Variants in MAGI1 observed in about 807,000 individuals in gnomAD.
MAGI1 encodes the protein membrane-associated guanylate kinase, WW and PDZ domain-containing protein 1.
MAGI1 carries 58 observed loss-of-function variants against 139.9 expected under a neutral mutation model. The observed-to-expected ratio is 0.41, with a 90% CI of 0.34 to 0.52. MAGI1 has a LOEUF of 0.52. MAGI1 is among the 20% of genes least tolerant of loss of function. The pLI is 0.12. For missense variants in MAGI1, 1,874 were observed against 1,901.6 expected (o/e 0.99, Z 0.27); for synonymous variants, 812 against 737.9 (o/e 1.10, Z -1.63).
intron 1 of MAGI1, among the ~76,000 whole-genome samples, chr3:65,998,024 AC>A (rs2066545772): frequency 6.8e-6 from 1 of 147,900 alleles, no homozygotes; most frequent in African/African-American, 2.5e-5. Context: ...AAACGCTTGA[AC>A]CCGGGAGGCA....
chr3:65,794,057 A>G (rs1472102621), intron 1 of MAGI1, among the ~76,000 whole-genome samples: 3 of 152,292 alleles, frequency 2.0e-5, no homozygotes, highest in Middle Eastern at 6.8e-3. Context: ...CGCTACCACA[A>G]TACAGAACAC....
intron 2 of MAGI1, among the ~76,000 whole-genome samples, chr3:65,593,403 G>A (rs1485829887): frequency 6.8e-6 from 1 of 147,700 alleles, no homozygotes; most frequent in African/African-American, 2.4e-5. Context: ...GTGAAGGATG[G>A]GGGGGAAAGG....
chr3:65,824,307 T>C (rs1282334487), intron 1 of MAGI1, among the ~76,000 whole-genome samples: 2 of 152,128 alleles, frequency 1.3e-5, no homozygotes, highest in Non-Finnish European at 2.9e-5. Flanking sequence ...GATGTGCAAA[T>C]AGTAGGGCTT....
At chr3:65,799,551 T>A (rs929075692) in intron 1 of MAGI1, among the ~76,000 whole-genome samples, 1 of 152,316 alleles carries the variant, frequency 6.6e-6, no homozygotes, top group Non-Finnish European at 1.5e-5. Flanking sequence ...TTACTGTGCC[T>A]AGTTTATAAA....
At chr3:65,757,179 CTT>C (rs2036630162) in intron 1 of MAGI1, among the ~76,000 whole-genome samples, 1 of 152,252 alleles carries the variant, frequency 6.6e-6, no homozygotes, top group South Asian at 2.1e-4. Context: ...TATGTTAACT[CTT>C]TTAATTTTCA....
chr3:65,478,847 G>T (rs1179413877), intron 3 of MAGI1, 49 bp from the exon 4 acceptor site: 60 of 1,343,384 alleles, frequency 4.5e-5, no homozygotes, highest in Admixed American at 1.9e-4. Context: ...AATACTTTGT[G>T]TTTTTTTTTA....
chr3:65,531,434 A>G (rs1404761898), intron 2 of MAGI1, among the ~76,000 whole-genome samples: 1 of 152,192 alleles, frequency 6.6e-6, no homozygotes, highest in Non-Finnish European at 1.5e-5. Context: ...GCAACTTTAT[A>G]TGAGTCAAAC....
chr3:65,723,617 C>T (rs2033291012), intron 1 of MAGI1, among the ~76,000 whole-genome samples: 1 of 152,184 alleles, frequency 6.6e-6, no homozygotes, highest in Admixed American at 6.5e-5. Context: ...ATATGTGTAA[C>T]ATATCTAGCA....
Position 65,530,729 on chromosome 3 carries a change from G to GTA in MAGI1, c.431-37100_431-37099dup, listed in dbSNP as rs1387283214. ...TATACACGTGTATATATATACACAC[G>GTA]TATATATATATGCACATATATATAC... On this transcript the variant is annotated intron_variant, in intron 2 of 22. Transcript: ENST00000402939. Among the ~76,000 whole-genome samples, 290 of 95,598 alleles carry GTA rather than the reference G, an allele frequency of 3.0e-3. 17 individuals carry two copies. The highest frequency in any genetic ancestry group is 0.012 in the African/African-American group (258 of 20,972). The allele number at this position is 95,598 out of a possible 152,430, so 62.7% of individuals were successfully genotyped here.
At chr3:66,020,064 TG>T (rs2067878668) in intron 1 of MAGI1, among the ~76,000 whole-genome samples, 1 of 152,216 alleles carries the variant, frequency 6.6e-6, no homozygotes, top group Non-Finnish European at 1.5e-5. Context: ...ACACAGTACA[TG>T]ACGTTCCTCT....
intron 2 of MAGI1, among the ~76,000 whole-genome samples, chr3:65,516,328 T>G (rs1185299375): frequency 1.3e-5 from 2 of 151,762 alleles, no homozygotes; most frequent in Non-Finnish European, 2.9e-5. Flanking sequence ...TACAGGCATG[T>G]GCCACCCCAC....
Position 65,696,699 on chromosome 3 carries a change from C to T in MAGI1, c.314-74611G>A, listed in dbSNP as rs184731539. Among the ~76,000 whole-genome samples the T allele has an allele frequency of 1.8e-3, 274 of 151,926 alleles. 2 individuals carry two copies. The highest frequency in any genetic ancestry group is 6.3e-3 in the Admixed American group (96 of 15,270). On this transcript the variant is annotated intron_variant, in intron 1 of 22. Transcript: ENST00000402939. Reference sequence around the variant, plus strand: ...ATACAATAAAATAAAATAAAATATACATTTGGATTCTCAACAAAAATTAAT... The same window carrying T: ...ATACAATAAAATAAAATAAAATATATATTTGGATTCTCAACAAAAATTAAT...
chr3:66,004,858 A>G (rs2066930460), intron 1 of MAGI1, among the ~76,000 whole-genome samples: 1 of 152,202 alleles, frequency 6.6e-6, no homozygotes, highest in South Asian at 2.1e-4. Flanking sequence ...ATGGGGTTTT[A>G]GCCACAGAAG....
chr3:65,401,675 C>G, intron 12 of MAGI1: 1 of 1,544,606 alleles, frequency 6.5e-7, no homozygotes, highest in South Asian at 1.2e-5. Flanking sequence ...GGCAGGAGAT[C>G]TATCTGCATT....
intron 1 of MAGI1, among the ~76,000 whole-genome samples, chr3:66,033,184 C>A (rs796065738): frequency 6.6e-6 from 1 of 151,982 alleles, no homozygotes; most frequent in Non-Finnish European, 1.5e-5. Context: ...TTCGCCACCA[C>A]GCCCAGCTAG....
At position 65,862,093 on chromosome 3, in the gene MAGI1, G is replaced by C. The variant is rs562336274; in HGVS notation, c.313+175903C>G. Reference sequence around the variant, plus strand: ...ATGAGGCTCTGTCCACCTCATGTAAGACATGGTTCTTTTGTTTACCTTCTC... The same window carrying C: ...ATGAGGCTCTGTCCACCTCATGTAACACATGGTTCTTTTGTTTACCTTCTC... On this transcript the variant is annotated intron_variant, in intron 1 of 22. Transcript: ENST00000402939. Among the ~76,000 whole-genome samples, 10 of 152,244 alleles carry C rather than the reference G, an allele frequency of 6.6e-5. No individual in the cohort carries two copies. The South Asian group carries it at 1.7e-3, about 25-fold the overall frequency.
chr3:65,359,126 A>G, intron 22 of MAGI1: 1 of 1,614,098 alleles, frequency 6.2e-7, no homozygotes, highest in Non-Finnish European at 8.5e-7. Context: ...TTTCTCATAC[A>G]TGCAGCGATA....
At chr3:65,413,289 T>A (rs1271762716) in intron 12 of MAGI1, among the ~76,000 whole-genome samples, 1 of 152,200 alleles carries the variant, frequency 6.6e-6, no homozygotes, top group East Asian at 1.9e-4. Context: ...ACAGAGGCCA[T>A]GCCTGGTACC....
chr3:65,868,986 T>G (rs13065129), intron 1 of MAGI1, among the ~76,000 whole-genome samples: 2,833 of 152,036 alleles, frequency 0.019, 40 homozygotes, highest in Non-Finnish European at 0.029. Flanking sequence ...TCATAATTAC[T>G]GCCGGGCGCG....
Sources: gnomAD v4.1 joint callset for allele counts (sites outside exome capture counted in the v4.1 genomes callset) on GRCh38, gnomAD v4.1.1 for gene constraint, MANE v1.5 for transcripts, NCBI Gene and HGNC (gene_info 2026-07-23, HGNC 2026-07-21) for gene names.